The following AK5 variants were observed in gnomAD, a reference collection of about 807,000 sequenced individuals.
AK5 encodes adenylate kinase isoenzyme 5.
AK5 carries 27 observed loss-of-function variants against 69.5 expected under a neutral mutation model. The ratio of observed to expected loss-of-function variants is 0.39; its 90% confidence interval spans 0.29 to 0.54. The LOEUF (loss-of-function observed/expected upper bound fraction) is 0.54, where lower values mean the gene tolerates loss of function less well. Ranked by LOEUF, AK5 falls within the 20% of genes least tolerant of loss-of-function variation. The pLI, the probability that AK5 is intolerant of heterozygous loss-of-function variation, is 0.71. For synonymous variants in AK5, 260 were observed against 244.4 expected (o/e 1.06, Z -0.60); for missense variants, 531 against 700.4 (o/e 0.76, Z 2.73).
chr1:77,402,738 T>C (rs894721250), intron 6 of AK5, among the ~76,000 whole-genome samples: 2 of 151,802 alleles, frequency 1.3e-5, no homozygotes, highest in Admixed American at 6.6e-5. Flanking sequence ...CTATTGTGAA[T>C]AGTGCCGCAA....
chr1:77,301,581 C>G (rs1394953614), intron 5 of AK5, among the ~76,000 whole-genome samples: 1 of 152,216 alleles, frequency 6.6e-6, no homozygotes, highest in East Asian at 1.9e-4. Context: ...CTCACTCACT[C>G]CCCAAGTAAA....
chr1:77,308,089 A>G (rs1448833351), intron 5 of AK5, among the ~76,000 whole-genome samples: 5 of 152,130 alleles, frequency 3.3e-5, no homozygotes, highest in African/African-American at 1.2e-4. Context: ...TCTCGACTGT[A>G]AAGGAGGTGG....
At chr1:77,364,282 C>G (rs1398862814) in intron 6 of AK5, among the ~76,000 whole-genome samples, 1 of 152,068 alleles carries the variant, frequency 6.6e-6, no homozygotes, top group African/African-American at 2.4e-5. Flanking sequence ...TTATGGGGCA[C>G]ATAGTGATAT....
At chr1:77,360,028 A>T (rs1247817272) in intron 6 of AK5, among the ~76,000 whole-genome samples, 2 of 152,180 alleles carry the variant, frequency 1.3e-5, no homozygotes, top group African/African-American at 4.8e-5. Flanking sequence ...AACACAGGAA[A>T]AGAGGTCAAA....
intron 8 of AK5, among the ~76,000 whole-genome samples, chr1:77,430,776 G>A (rs1444236128): frequency 1.3e-5 from 2 of 152,192 alleles, no homozygotes; most frequent in South Asian, 2.1e-4. Context: ...GAGGCAGGGA[G>A]TGCCAAATGT....
rs887078293 is a variant in AK5, at chr1:77,505,487, TTTC to T, written c.1148-13068_1148-13066del. Among the ~76,000 whole-genome samples, 37 of 152,324 alleles carry T rather than the reference TTTC, an allele frequency of 2.4e-4. No individual in the cohort carries two copies. The Middle Eastern group carries it at 0.01, about 42-fold the overall frequency. On this transcript the variant is annotated intron_variant, in intron 10 of 13. Transcript: ENST00000354567. ...GTTACCTATGGGGAGCGAAACTATT[TTTC>T]TTCTTCTTTTTACTTTTCTGAATTA...
intron 8 of AK5, among the ~76,000 whole-genome samples, chr1:77,475,379 TATATATA>T: frequency 1.1e-5 from 1 of 89,218 alleles, no homozygotes; most frequent in East Asian, 2.9e-4. Flanking sequence ...AAATATATAT[TATATATA>T]TGTATATATA....
chr1:77,558,487 C>A, intron 13 of AK5, 115 bp from the exon 14 acceptor site: 1 of 523,690 alleles, frequency 1.9e-6, no homozygotes, highest in Non-Finnish European at 3.5e-6. Flanking sequence ...TGGGGGGGGT[C>A]TTGTGTTTTA....
chr1:77,350,934 A>T (rs1570424135), intron 6 of AK5, among the ~76,000 whole-genome samples: 1 of 152,238 alleles, frequency 6.6e-6, no homozygotes, highest in Non-Finnish European at 1.5e-5. Flanking sequence ...GTTTCAAAAT[A>T]GTTCATTAAG....
chr1:77,506,178 C>A (rs1218246629), intron 10 of AK5, among the ~76,000 whole-genome samples: 1 of 151,734 alleles, frequency 6.6e-6, no homozygotes, highest in African/African-American at 2.4e-5. Context: ...CTGGAACAGG[C>A]GCTGGAGACC....
At chr1:77,351,209 C>T (rs1034544785) in intron 6 of AK5, among the ~76,000 whole-genome samples, 1 of 152,124 alleles carries the variant, frequency 6.6e-6, no homozygotes, top group African/African-American at 2.4e-5. Context: ...GCCTGGGCAA[C>T]ATGGCGAAAC....
At chr1:77,400,173 A>C (rs1048241430) in intron 6 of AK5, among the ~76,000 whole-genome samples, 2 of 152,184 alleles carry the variant, frequency 1.3e-5, no homozygotes, top group African/African-American at 4.8e-5. Flanking sequence ...TTGGGGGTCC[A>C]TCCTAAGACT....
chr1:77,444,281 AACAT>A, intron 8 of AK5, among the ~76,000 whole-genome samples: 2 of 42,020 alleles, frequency 4.8e-5, no homozygotes, highest in Non-Finnish European at 9.5e-5. Context: ...ATATATACAC[AACAT>A]ATGTGTATAT....
intron 5 of AK5, 129 bp from the exon 6 acceptor site, chr1:77,340,248 A>G: frequency 5.9e-6 from 5 of 849,694 alleles, no homozygotes; most frequent in Non-Finnish European, 7.3e-6. Flanking sequence ...CCCTGGAAAT[A>G]CACTGTCAAA....
chr1:77,352,111 G>A (rs1363958225), intron 6 of AK5, among the ~76,000 whole-genome samples: 1 of 151,602 alleles, frequency 6.6e-6, no homozygotes, highest in East Asian at 1.9e-4. Context: ...TGTATTTTTA[G>A]TAGAGACTGG....
chr1:77,485,210 T>C (rs1476058898), intron 9 of AK5, among the ~76,000 whole-genome samples: 1 of 152,218 alleles, frequency 6.6e-6, no homozygotes, highest in Non-Finnish European at 1.5e-5. Flanking sequence ...AAAATTCTCT[T>C]TGTTTGTTTG....
At chr1:77,401,723 A>G (rs1649227783) in intron 6 of AK5, among the ~76,000 whole-genome samples, 1 of 152,226 alleles carries the variant, frequency 6.6e-6, no homozygotes, top group Non-Finnish European at 1.5e-5. Context: ...CATTTCCGCC[A>G]TTAAAAATGC....
chr1:77,496,554 G>A (rs1019545009), intron 10 of AK5, among the ~76,000 whole-genome samples: 1 of 152,124 alleles, frequency 6.6e-6, no homozygotes, highest in African/African-American at 2.4e-5. Flanking sequence ...GCAGATCCAA[G>A]AGATTTAGGA....
intron 8 of AK5, among the ~76,000 whole-genome samples, chr1:77,439,842 T>A (rs999227857): frequency 1.3e-5 from 2 of 149,254 alleles, no homozygotes; most frequent in Non-Finnish European, 3.0e-5. Context: ...CTCATTTTCC[T>A]TATTCATTCA....
Sources: allele counts gnomAD v4.1 joint callset (sites outside exome capture counted in the v4.1 genomes callset), GRCh38; gene constraint gnomAD v4.1.1; transcripts MANE v1.5; gene names NCBI Gene and HGNC (gene_info 2026-07-23, HGNC 2026-07-21).